Variants in SLC4A10 observed in about 807,000 individuals in gnomAD.
The protein encoded by SLC4A10 is solute carrier family 4 member 10.
Under a neutral mutation model 137.7 loss-of-function variants are expected in SLC4A10, and 42 were observed. The observed-to-expected ratio is 0.30, with a 90% CI of 0.24 to 0.39. SLC4A10 has a LOEUF of 0.39. Ranked by LOEUF, SLC4A10 falls within the 10% of genes least tolerant of loss-of-function variation. SLC4A10 has a pLI of 1.00. For synonymous variants in SLC4A10, 474 were observed against 464.1 expected, an observed-to-expected ratio of 1.02 and a Z score of -0.27; for missense variants, 925 against 1,355.0, an observed-to-expected ratio of 0.68 and a Z score of 4.98.
chr2:161,624,636 T>C (rs2105357907), intron 1 of SLC4A10, 70 bp downstream of exon 1: 7 of 1,547,348 alleles, frequency 4.5e-6, no homozygotes, highest in Non-Finnish European at 6.1e-6. Flanking sequence ...AGCGGTCTGC[T>C]AGCTAGGTGC....
chr2:161,634,141 G>A (rs371753480), intron 1 of SLC4A10, among the ~76,000 whole-genome samples: 1 of 151,760 alleles, frequency 6.6e-6, no homozygotes, highest in Non-Finnish European at 1.5e-5. Context: ...TTAATCTCCA[G>A]TTTGTGACAG....
intron 15 of SLC4A10, among the ~76,000 whole-genome samples, chr2:161,940,155 G>A (rs1260567573): frequency 6.6e-6 from 1 of 152,098 alleles, no homozygotes; most frequent in Non-Finnish European, 1.5e-5. Context: ...ATGAGTCCAA[G>A]GCACCTAAGT....
intron 15 of SLC4A10, among the ~76,000 whole-genome samples, chr2:161,921,759 T>C (rs554723878): frequency 2.6e-5 from 4 of 152,314 alleles, no homozygotes; most frequent in African/African-American, 4.8e-5. Flanking sequence ...CAATAAACGG[T>C]AAATGGGGGT....
intron 6 of SLC4A10, among the ~76,000 whole-genome samples, 195 bp from the exon 7 acceptor site, chr2:161,872,098 T>C (rs56950606): frequency 0.02 from 3,071 of 152,262 alleles, 65 homozygotes; most frequent in African/African-American, 0.057. Context: ...TTTACTGAAT[T>C]CTCCCATTTC....
intron 21 of SLC4A10, 32 bp from the exon 22 acceptor site, chr2:161,964,103 C>T: frequency 6.5e-7 from 1 of 1,542,970 alleles, no homozygotes; most frequent in South Asian, 1.2e-5. Context: ...TGTCTTACAC[C>T]TAAAAACAAT....
At chr2:161,660,782 T>A (rs1204347163) in intron 1 of SLC4A10, among the ~76,000 whole-genome samples, 2 of 151,436 alleles carry the variant, frequency 1.3e-5, no homozygotes, top group Non-Finnish European at 2.9e-5. Flanking sequence ...GCCTCCCAAG[T>A]GGCTGGGACT....
chr2:161,809,974 G>A (rs191936146), intron 3 of SLC4A10, among the ~76,000 whole-genome samples: 6 of 152,168 alleles, frequency 3.9e-5, no homozygotes, highest in African/African-American at 4.8e-5. Context: ...GGGCAGTATG[G>A]CCATTTTAAT....
chr2:161,687,653 C>A (rs2041579336), intron 1 of SLC4A10, among the ~76,000 whole-genome samples: 2 of 152,074 alleles, frequency 1.3e-5, no homozygotes, highest in Non-Finnish European at 2.9e-5. Context: ...GTGTCCCCAC[C>A]CAAATCTCAC....
rs114414923 is a variant in SLC4A10, at chr2:161,634,642, G to A, written c.48+10076G>A. ...ATATGATGTTTTGATACAAGTATAC[G>A]TTGTATAATAATCAAATAAGGGTAA... is the stretch of plus-strand genomic sequence containing the variant. On this transcript the variant is annotated intron_variant, in intron 1 of 26. Transcript: ENST00000446997. 2.4e-3 allele frequency among the ~76,000 whole-genome samples: 372 copies of A among 151,954 alleles called. 2 individuals carry two copies. Among genetic ancestry groups the A allele is most frequent in the African/African-American group, 8.4e-3 (350 of 41,494 alleles).
chr2:161,918,668 A>G (rs1441245964), intron 15 of SLC4A10, among the ~76,000 whole-genome samples: 1 of 152,156 alleles, frequency 6.6e-6, no homozygotes, highest in Non-Finnish European at 1.5e-5. Flanking sequence ...GTTTTTCTGC[A>G]TCACATTGAA....
rs552548392 is a variant in SLC4A10 at position 161,631,830 on chromosome 2, A to G, written c.48+7264A>G. Among the ~76,000 whole-genome samples the G allele has an allele frequency of 1.4e-4, 21 of 151,800 alleles. 1 individual carries two copies. In the South Asian group the frequency reaches 3.5e-3, roughly 25 times the overall value. On this transcript the variant is annotated intron_variant, in intron 1 of 26. Coordinates refer to ENST00000446997, the MANE Select transcript of SLC4A10 (RefSeq NM_001178015.2). ...CTCAGAACTCGAGAGGTGCTCTCAG[A>G]AGATGAAAATGGAGATTAATCTACA...
intron 1 of SLC4A10, among the ~76,000 whole-genome samples, chr2:161,739,816 C>A (rs1320014185): frequency 2.0e-5 from 3 of 152,184 alleles, no homozygotes; most frequent in Non-Finnish European, 4.4e-5. Flanking sequence ...TATTGCAGTA[C>A]CCCCATTTCA....
chr2:161,679,701 G>A (rs975992620), intron 1 of SLC4A10, among the ~76,000 whole-genome samples: 2 of 150,816 alleles, frequency 1.3e-5, no homozygotes, highest in African/African-American at 4.9e-5. Context: ...GTGTGTGTGT[G>A]TGTGTGTGTG....
At chr2:161,912,573 G>T (rs184506314) in intron 15 of SLC4A10, among the ~76,000 whole-genome samples, 10 of 152,124 alleles carry the variant, frequency 6.6e-5, no homozygotes, top group African/African-American at 1.9e-4. Context: ...TACAACCATG[G>T]GCAGCTAGTA....
At chr2:161,832,982 C>T (rs942818283) in intron 3 of SLC4A10, among the ~76,000 whole-genome samples, 21 of 152,168 alleles carry the variant, frequency 1.4e-4, no homozygotes, top group Non-Finnish European at 2.4e-4. Context: ...CCTCGTGATC[C>T]GCCCGCCTCA....
chr2:161,948,400 T>C (rs1171965741), intron 17 of SLC4A10, among the ~76,000 whole-genome samples: 1 of 152,152 alleles, frequency 6.6e-6, no homozygotes, highest in African/African-American at 2.4e-5. Flanking sequence ...TGTCACCACT[T>C]TCTTCTCTAA....
intron 1 of SLC4A10, among the ~76,000 whole-genome samples, chr2:161,694,380 A>T (rs939928138): frequency 1.5e-4 from 23 of 152,018 alleles, no homozygotes; most frequent in African/African-American, 5.3e-4. Flanking sequence ...TAAGGCTAAG[A>T]CCATATTTTA....
chr2:161,905,293 T>C (rs1308146498), intron 14 of SLC4A10, among the ~76,000 whole-genome samples: 1 of 152,164 alleles, frequency 6.6e-6, no homozygotes, highest in Non-Finnish European at 1.5e-5. Flanking sequence ...CATCAGGCAT[T>C]AGATTCTCAT....
intron 18 of SLC4A10, among the ~76,000 whole-genome samples, chr2:161,950,153 CA>C (rs1299294585): frequency 1.3e-5 from 2 of 151,958 alleles, no homozygotes; most frequent in African/African-American, 4.8e-5. Flanking sequence ...TCAAAAATAA[CA>C]GTTACAATAC....
Sources: allele counts gnomAD v4.1 joint callset (sites outside exome capture counted in the v4.1 genomes callset), GRCh38; gene constraint gnomAD v4.1.1; transcripts MANE v1.5; gene names NCBI Gene and HGNC (gene_info 2026-07-23, HGNC 2026-07-21).